The following ADARB2 variants were observed in gnomAD, a reference collection of about 807,000 sequenced individuals.
ADARB2 encodes the protein inactive double-stranded RNA-specific editase B2.
ADARB2 carries 25 observed loss-of-function variants against 62.2 expected under a neutral mutation model. The ratio of observed to expected loss-of-function variants is 0.40; its 90% CI spans 0.29 to 0.56. The LOEUF is 0.56. Ranked by LOEUF, ADARB2 falls within the 20% of genes least tolerant of loss-of-function variation. The pLI, the probability that ADARB2 is intolerant of heterozygous loss-of-function variation, is 0.43. For missense variants in ADARB2, 1,071 were observed against 1,077.4 expected (o/e 0.99, Z 0.08); for synonymous variants, 572 against 500.8 (o/e 1.14, Z -1.90).
intron 3 of ADARB2, among the ~76,000 whole-genome samples, chr10:1,323,637 T>G (rs528096277): frequency 6.6e-6 from 1 of 151,968 alleles, no homozygotes; most frequent in Non-Finnish European, 1.5e-5. Flanking sequence ...CATGGGTCCA[T>G]AGAGCAGAAT....
chr10:1,678,473 A>G, intron 1 of ADARB2: 1 of 437,876 alleles, frequency 2.3e-6, no homozygotes, highest in Non-Finnish European at 3.0e-6. Context: ...GGTCACCGAG[A>G]ACTTTGGGGC....
intron 3 of ADARB2, among the ~76,000 whole-genome samples, chr10:1,347,720 G>A (rs562162329): frequency 3.9e-5 from 6 of 152,270 alleles, no homozygotes; most frequent in East Asian, 1.9e-4. Context: ...AACGCCTCCC[G>A]ACAGCGCTCA....
chr10:1,603,137 AAACACACACACACCTGTACACACATT>A (rs535170316), intron 1 of ADARB2, among the ~76,000 whole-genome samples: 37,898 of 150,914 alleles, frequency 0.25, 4,985 homozygotes, highest in East Asian at 0.41. Context: ...ATACACACAT[AAACACACACACACCTGTACACACATT>A]AACACACACA....
chr10:1,210,517 T>C (rs1425420095), intron 7 of ADARB2, among the ~76,000 whole-genome samples: 1 of 152,222 alleles, frequency 6.6e-6, no homozygotes, highest in East Asian at 1.9e-4. Context: ...TCTGGAGCCC[T>C]GGCCAAAGTT....
intron 1 of ADARB2, among the ~76,000 whole-genome samples, chr10:1,542,788 CTGGAT>C (rs1832452578): frequency 9.1e-6 from 1 of 110,282 alleles, no homozygotes; most frequent in Non-Finnish European, 1.9e-5. Context: ...AGTTCAGACC[CTGGAT>C]CACAGCCGCC....
chr10:1,554,996 A>G (rs909685384), intron 1 of ADARB2, among the ~76,000 whole-genome samples: 1 of 152,120 alleles, frequency 6.6e-6, no homozygotes, highest in South Asian at 2.1e-4. Context: ...CTGTTTCTGC[A>G]TTAATTTTCT....
intron 1 of ADARB2, among the ~76,000 whole-genome samples, chr10:1,530,863 G>C (rs1276920346): frequency 6.6e-6 from 1 of 150,576 alleles, no homozygotes; most frequent in Non-Finnish European, 1.5e-5. Context: ...TCAGCACTCA[G>C]GTCTCAGCAC....
At chr10:1,340,185 A>G (rs1176271422) in intron 3 of ADARB2, among the ~76,000 whole-genome samples, 10 of 148,978 alleles carry the variant, frequency 6.7e-5, no homozygotes. Flanking sequence ...CACAGCGGCA[A>G]TAACCGGCAT....
intron 1 of ADARB2, among the ~76,000 whole-genome samples, chr10:1,418,952 G>A (rs1458994785): frequency 6.6e-6 from 1 of 152,170 alleles, no homozygotes; most frequent in South Asian, 2.1e-4. Context: ...CTGCATGGTC[G>A]AGGAAAGAAA....
chr10:1,486,683 C>T (rs906700654), intron 1 of ADARB2, among the ~76,000 whole-genome samples: 13 of 152,196 alleles, frequency 8.5e-5, no homozygotes, highest in East Asian at 7.7e-4. Context: ...AAAGAAACGA[C>T]GGCCAGCCAT....
chr10:1,190,347 T>A (rs1836826156), intron 8 of ADARB2, among the ~76,000 whole-genome samples: 1 of 150,636 alleles, frequency 6.6e-6, no homozygotes, highest in South Asian at 2.1e-4. Context: ...AAATCCAAAT[T>A]AACCCTGTGG....
At chr10:1,324,049 TATC>T (rs904602798) in intron 3 of ADARB2, among the ~76,000 whole-genome samples, 1 of 152,182 alleles carries the variant, frequency 6.6e-6, no homozygotes, top group Non-Finnish European at 1.5e-5. Context: ...TCTCAAAACT[TATC>T]AGCAAAAACA....
In ADARB2 at chr10:1,704,137, A is replaced by G. The variant is rs1009010671; in HGVS notation, c.100+32914T>C. Among the ~76,000 whole-genome samples, 2 of 152,166 alleles carry G rather than the reference A, an allele frequency of 1.3e-5. No individual in the cohort carries two copies. The highest frequency in any genetic ancestry group is 4.1e-4 in the South Asian group (2 of 4,828). ...CTGTAAGACAGCGGTCCTGTCCCCAACCTTTCTGGCACCAGGGATGGCTGG... is the reference window on the plus strand; with the variant it reads ...CTGTAAGACAGCGGTCCTGTCCCCAGCCTTTCTGGCACCAGGGATGGCTGG... On this transcript the variant is annotated intron_variant, in intron 1 of 9. Transcript: ENST00000381312. This position sits in a 1 kb window ranked among gnomAD's most constrained non-coding sequence, Gnocchi z 5.6.
intron 1 of ADARB2, among the ~76,000 whole-genome samples, chr10:1,399,937 G>A (rs777348706): frequency 6.6e-5 from 10 of 152,236 alleles, no homozygotes; most frequent in Non-Finnish European, 1.3e-4. Context: ...GTCACAGCCT[G>A]CATCTGGCCT....
At chr10:1,253,857 G>GT (rs1313897042) in intron 4 of ADARB2, among the ~76,000 whole-genome samples, 2 of 152,238 alleles carry the variant, frequency 1.3e-5, no homozygotes, top group Non-Finnish European at 2.9e-5. Flanking sequence ...AAGGAGCTCT[G>GT]TGGTGAGGAT....
intron 1 of ADARB2, among the ~76,000 whole-genome samples, chr10:1,633,980 G>C (rs974928730): frequency 2.6e-5 from 4 of 152,200 alleles, no homozygotes; most frequent in African/African-American, 7.2e-5. Context: ...TGCCAGCACA[G>C]AGGGACACAG....
chr10:1,274,256 T>C (rs1180340472), intron 3 of ADARB2, among the ~76,000 whole-genome samples: 1 of 152,240 alleles, frequency 6.6e-6, no homozygotes, highest in African/African-American at 2.4e-5. Context: ...GCAGTGGCCA[T>C]GGCAGCCTGG....
chr10:1,270,017 T>A (rs1362943416), intron 4 of ADARB2, among the ~76,000 whole-genome samples: 1 of 152,214 alleles, frequency 6.6e-6, no homozygotes, highest in Non-Finnish European at 1.5e-5. Context: ...TTCTAGATCT[T>A]ACCCAGCTAC....
intron 1 of ADARB2, among the ~76,000 whole-genome samples, chr10:1,487,611 A>C (rs548807067): frequency 6.6e-6 from 1 of 152,330 alleles, no homozygotes; most frequent in African/African-American, 2.4e-5. Flanking sequence ...GGGATATCTG[A>C]CTTATTCCTA....
Sources: gnomAD v4.1 joint callset for allele counts (sites outside exome capture counted in the v4.1 genomes callset) on GRCh38, gnomAD v4.1.1 for gene constraint, Gnocchi (gnomAD v3.1) non-coding constraint, MANE v1.5 for transcripts, NCBI Gene and HGNC (gene_info 2026-07-23, HGNC 2026-07-21) for gene names.